GMEB2: variants seen among roughly 807,000 people sequenced by gnomAD.
GMEB2 encodes glucocorticoid modulatory element binding protein 2, also known as glucocorticoid modulatory element-binding protein 2.
A neutral mutation model predicts 45.7 loss-of-function variants in GMEB2; 7 were observed. The observed-to-expected ratio is 0.15, with a 90% CI of 0.09 to 0.29. The LOEUF is 0.29. Ranked by LOEUF, GMEB2 falls within the 10% of genes least tolerant of loss-of-function variation. The pLI is 1.00. For synonymous variants in GMEB2, 322 were observed against 323.6 expected (o/e 1.00, Z 0.05); for missense variants, 582 against 739.2 (o/e 0.79, Z 2.47).
chr20:63,624,596 A>G (rs561008965), intron 1 of GMEB2, among the ~76,000 whole-genome samples: 50 of 152,350 alleles, frequency 3.3e-4, no homozygotes, highest in African/African-American at 1.2e-3. Flanking sequence ...CAAAGAGGCA[A>G]CAGCCTCACT....
At chr20:63,604,608 C>T in intron 3 of GMEB2, 135 bp downstream of exon 3, 1 of 656,586 alleles carries the variant, frequency 1.5e-6, no homozygotes, top group South Asian at 1.7e-5. Context: ...CCTCTCACTC[C>T]TAAGGGCACA....
intron 1 of GMEB2, among the ~76,000 whole-genome samples, chr20:63,623,858 T>A (rs2089654098): frequency 6.6e-6 from 1 of 151,502 alleles, no homozygotes; most frequent in African/African-American, 2.4e-5. Flanking sequence ...ACGCCCATAA[T>A]CCTAGCACTT....
At chr20:63,620,407 G>A (rs1331863959) in intron 1 of GMEB2, among the ~76,000 whole-genome samples, 1 of 152,136 alleles carries the variant, frequency 6.6e-6, no homozygotes, top group Non-Finnish European at 1.5e-5. Context: ...CTAGCACAGG[G>A]AACACAAAAG....
At chr20:63,613,074 G>A (rs1279091847) in intron 2 of GMEB2, among the ~76,000 whole-genome samples, 1 of 151,724 alleles carries the variant, frequency 6.6e-6, no homozygotes, top group African/African-American at 2.4e-5. Context: ...CCATTCCCCT[G>A]CCTCAGCCTC....
Position 63,590,260 on chromosome 20 carries a change from C to A in GMEB2, c.1422G>T (p.Pro474=), listed in dbSNP as rs200453223. 6.2e-7 allele frequency: 1 copy of A among 1,612,382 alleles called. No individual in the cohort carries two copies. Among genetic ancestry groups the A allele is most frequent in the African/African-American group, 1.3e-5 (1 of 75,054 alleles). ...DGSTVFKVVS[P]LQLLTLPGLG... ...GGCCAGGCAACGTGAGCAGCTGTAG[C>A]GGGCTGACCACCTTGAACACCGTGC... The change falls in exon 10 of 10, where the codon CCG becomes CCT. Residue 474 remains proline (P), a synonymous_variant. Coordinates refer to ENST00000370077, the MANE Select transcript of GMEB2 (RefSeq NM_012384.5).
rs376140826 is a variant in GMEB2 at position 63,590,461 on chromosome 20, G to A, written c.1221C>T (p.Ser407=). ...GAAGGGAACCCTTGCCCAGGACGGT[G>A]GACGGCAGGGTGGACACCACTTTAC... ...PLGKVVSTLP[S]TVLGKGSLQA... Residue 407 remains serine (S), a synonymous_variant, in exon 10 of 10, where the codon TCC becomes TCT. Coordinates refer to ENST00000370077, the MANE Select transcript of GMEB2 (RefSeq NM_012384.5). The A allele has an allele frequency of 9.2e-6, 14 of 1,517,314 alleles. No individual in the cohort carries two copies. The highest frequency in any genetic ancestry group is 1.2e-5 in the Non-Finnish European group (14 of 1,126,640). The allele number at this position is 1,517,314 out of a possible 1,614,324, so 94.0% of individuals were successfully genotyped here. A position where few individuals can be genotyped will look rare whatever the true frequency, so the allele number is the denominator to read the frequency against.
At chr20:63,602,590 C>G (rs542670307) in intron 4 of GMEB2, among the ~76,000 whole-genome samples, 1 of 152,232 alleles carries the variant, frequency 6.6e-6, no homozygotes, top group Non-Finnish European at 1.5e-5. Flanking sequence ...CTGGCATTTT[C>G]GGCTGTTCCA....
At chr20:63,595,276 G>A (rs896094781) in intron 6 of GMEB2, among the ~76,000 whole-genome samples, 11 of 149,876 alleles carry the variant, frequency 7.3e-5, no homozygotes, top group Admixed American at 6.0e-4. Context: ...GGGCTGGGCC[G>A]TGGGGGTGGG....
intron 4 of GMEB2, among the ~76,000 whole-genome samples, chr20:63,599,180 G>A (rs1335993950): frequency 2.0e-5 from 3 of 149,390 alleles, no homozygotes; most frequent in South Asian, 2.1e-4. Context: ...AACGCGGCCC[G>A]CTCCTGACCC....
intron 3 of GMEB2, among the ~76,000 whole-genome samples, chr20:63,603,751 A>G (rs2089496092): frequency 6.6e-6 from 1 of 151,416 alleles, no homozygotes; most frequent in South Asian, 2.1e-4. Context: ...CAAAAAAAGA[A>G]AAAAAAAGAA....
At chr20:63,598,424 G>A (rs532837647) in intron 4 of GMEB2, among the ~76,000 whole-genome samples, 1 of 152,044 alleles carries the variant, frequency 6.6e-6, no homozygotes, top group East Asian at 1.9e-4. Flanking sequence ...TTTCACCCAT[G>A]TGGGAGCTCA....
At chr20:63,610,113 G>A (rs2089557817) in intron 2 of GMEB2, among the ~76,000 whole-genome samples, 1 of 152,252 alleles carries the variant, frequency 6.6e-6, no homozygotes, top group South Asian at 2.1e-4. Context: ...GCTGCCTCTG[G>A]GGAGATGATG....
intron 3 of GMEB2, among the ~76,000 whole-genome samples, 183 bp from the exon 4 acceptor site, chr20:63,603,275 G>C (rs2083254480): frequency 6.6e-6 from 1 of 152,120 alleles, no homozygotes; most frequent in South Asian, 2.1e-4. Flanking sequence ...AGAGTTTCAG[G>C]GTTAAACCCA....
At chr20:63,616,860 CAT>C (rs1205138392) in intron 2 of GMEB2, among the ~76,000 whole-genome samples, 1 of 152,198 alleles carries the variant, frequency 6.6e-6, no homozygotes, top group Admixed American at 6.5e-5. Context: ...CCGTAAAATT[CAT>C]ATGTTGAAGG....
chr20:63,595,493 C>T lies in GMEB2; in HGVS notation c.619+117G>A, dbSNP rs529750334. ...CAACTCAGGGTCCCAGGCAGGAGACCGGCAGTCCTGGCGTGAGCAAACGCC... is the reference window on the plus strand; with the variant it reads ...CAACTCAGGGTCCCAGGCAGGAGACTGGCAGTCCTGGCGTGAGCAAACGCC... On this transcript the variant is annotated intron_variant, in intron 6 of 9. Coordinates refer to ENST00000370077, the MANE Select transcript of GMEB2 (RefSeq NM_012384.5). 89 of 863,506 alleles carry T rather than the reference C, an allele frequency of 1.0e-4. No homozygotes were observed. In the African/African-American group the frequency reaches 1.2e-3, roughly 11 times the overall value. 53.5% of individuals were successfully genotyped at this position (863,506 alleles called of 1,614,324 possible).
rs1048467309 is a variant in GMEB2 at position 63,619,153 on chromosome 20, A to G, written c.131+114T>C. On this transcript the variant is annotated intron_variant, in intron 2 of 9. Transcript: ENST00000370077. This position sits in a 1 kb window ranked among gnomAD's most constrained non-coding sequence, Gnocchi z 4.6. ...CACATTTGAGTCCAGTCTCAGAAGAACTGGAACTAGAAAAATCCTGACACT... is the reference window on the plus strand; with the variant it reads ...CACATTTGAGTCCAGTCTCAGAAGAGCTGGAACTAGAAAAATCCTGACACT... 2 of 1,073,136 alleles carry G rather than the reference A, an allele frequency of 1.9e-6. No individual in the cohort carries two copies. The highest frequency in any genetic ancestry group is 2.6e-6 in the Non-Finnish European group (2 of 769,572). The allele number at this position is 1,073,136 out of a possible 1,614,324, so 66.5% of individuals were successfully genotyped here. A position where few individuals can be genotyped will look rare whatever the true frequency, so the allele number is the denominator to read the frequency against.
Position 63,590,563 on chromosome 20 carries a change from C to A in GMEB2, c.1119G>T (p.Ser373=), listed in dbSNP as rs144730448. Residue 373 remains serine, a synonymous_variant, in exon 10 of 10, where the codon TCG becomes TCT. Transcript: ENST00000370077. ...GCTGGGCAGACTGGGTGAGCACCTG[C>A]GAGGCCATGGCGGCCGGTCCTGATG... ...RATSGPAAMA[S]QVLTQSAQLA... 6.4e-7 allele frequency: 1 copy of A among 1,558,906 alleles called. No individual in the cohort carries two copies.
chr20:63,598,190 A>G (rs2083214029), intron 4 of GMEB2, among the ~76,000 whole-genome samples: 1 of 152,202 alleles, frequency 6.6e-6, no homozygotes, highest in Non-Finnish European at 1.5e-5. Flanking sequence ...GCTTCTGTGC[A>G]ATGTATTTTA....
At chr20:63,599,041 G>A (rs1458430295) in intron 4 of GMEB2, among the ~76,000 whole-genome samples, 1 of 152,164 alleles carries the variant, frequency 6.6e-6, no homozygotes, top group Admixed American at 6.5e-5. Flanking sequence ...GAAGCTACAT[G>A]CTGTACTCTC....
Sources: allele counts gnomAD v4.1 joint callset (sites outside exome capture counted in the v4.1 genomes callset), GRCh38; gene constraint gnomAD v4.1.1; non-coding constraint Gnocchi (gnomAD v3.1); transcripts MANE v1.5; gene names NCBI Gene and HGNC (gene_info 2026-07-23, HGNC 2026-07-21).